STK10: variants seen among roughly 807,000 people sequenced by gnomAD.
The protein encoded by STK10 is serine/threonine kinase 10, also known as serine/threonine-protein kinase 10.
STK10 carries 78 observed loss-of-function variants against 113.8 expected under a neutral mutation model. That is an observed-to-expected ratio of 0.69 (90% CI 0.57 to 0.83). STK10 has a LOEUF of 0.83. STK10 is among the 40% of genes least tolerant of loss of function. The pLI, the probability that STK10 is intolerant of heterozygous loss-of-function variation, is 0.00. For synonymous variants in STK10, 465 were observed against 494.7 expected (o/e 0.94, Z 0.80); for missense variants, 1,109 against 1,280.1 (o/e 0.87, Z 2.04).
At chr5:172,146,358 G>C (rs971879980) in intron 2 of STK10, among the ~76,000 whole-genome samples, 3 of 152,200 alleles carry the variant, frequency 2.0e-5, no homozygotes, top group Admixed American at 1.3e-4. Flanking sequence ...TATCATGACG[G>C]GGACAGAGGC....
intron 1 of STK10, among the ~76,000 whole-genome samples, chr5:172,157,036 T>C (rs1770362755): frequency 1.3e-5 from 2 of 151,978 alleles, no homozygotes; most frequent in Non-Finnish European, 2.9e-5. Context: ...AATACCAACA[T>C]GGAAAGACTG....
In STK10 at chr5:172,105,701, C is replaced by T. The variant is rs745999041; in HGVS notation, c.825G>A (p.Leu275=). Residue 275 remains leucine, a synonymous_variant, in exon 7 of 19, where the codon CTG becomes CTA. Transcript: ENST00000176763. The part of the protein sequence containing the change: ...VEFRDFLKIA[L]DKNPETRPSA... ...TGGGTCGGGTTTCTGGGTTCTTATCCAGGGCTATCTTCAGGAAGTCACGGA... is the reference window on the plus strand; with the variant it reads ...TGGGTCGGGTTTCTGGGTTCTTATCTAGGGCTATCTTCAGGAAGTCACGGA... The T allele has an allele frequency of 6.2e-7, 1 of 1,613,738 alleles. No individual in the cohort carries two copies.
intron 15 of STK10, among the ~76,000 whole-genome samples, chr5:172,056,594 A>G (rs73314277): frequency 0.11 from 16,202 of 152,182 alleles, 1,324 homozygotes; most frequent in African/African-American, 0.22. Context: ...CCGGGCAGGC[A>G]CAGTGGCTCA....
In STK10 at chr5:172,083,396, A is replaced by T. The variant is rs145600977; in HGVS notation, c.1686-312T>A. ...TTAGAATCACCTATATAGATATAAA[A>T]TACAAATGAAAAAGAAACTATAATT... On this transcript the variant is annotated intron_variant, in intron 10 of 18. Coordinates refer to ENST00000176763, the MANE Select transcript of STK10 (RefSeq NM_005990.4). 7.1e-4 allele frequency among the ~76,000 whole-genome samples: 108 copies of T among 152,320 alleles called. 1 individual carries two copies. In the East Asian group the frequency reaches 0.018, roughly 25 times the overall value.
chr5:172,061,094 CA>C, intron 14 of STK10, 44 bp downstream of exon 14: 2 of 1,563,462 alleles, frequency 1.3e-6, no homozygotes, highest in Non-Finnish European at 1.7e-6. Context: ...GGGATGTCCA[CA>C]GCGACTCTGG....
In STK10 at chr5:172,057,441, G is replaced by C. The variant is rs961278177; in HGVS notation, c.2245C>G (p.His749Asp). Residue 749 changes from histidine to aspartate, a missense_variant, in exon 15 of 19, where the codon CAC becomes GAC. By Grantham distance (81) the His-to-Asp change is moderately conservative. Around this residue, in one of 5 missense-constraint regions of STK10, gnomAD observed 885 missense variants for 991.1 expected, o/e 0.89. Transcript: ENST00000176763. ...AGCTGGTGCCTCTCCTGCAGCTGGT[G>C]CTCTTCCATCTCCCACAGGGCTGCT... ...REAALWEMEE[H>D]QLQERHQLVK... 1 of 1,550,874 alleles carries C rather than the reference G, an allele frequency of 6.4e-7. No individual in the cohort carries two copies. Among genetic ancestry groups the C allele is most frequent in the Non-Finnish European group, 8.7e-7 (1 of 1,147,434 alleles).
intron 3 of STK10, among the ~76,000 whole-genome samples, chr5:172,119,590 C>T (rs1029474458): frequency 2.6e-5 from 4 of 152,042 alleles, no homozygotes; most frequent in African/African-American, 9.7e-5. Flanking sequence ...ATAGGCCAGG[C>T]GCGGTGGCTC....
chr5:172,091,333 C>T (rs373148675), intron 9 of STK10, among the ~76,000 whole-genome samples: 17 of 152,270 alleles, frequency 1.1e-4, no homozygotes, highest in East Asian at 7.7e-4. Flanking sequence ...CATGAGATTA[C>T]GCATAATCGT....
At chr5:172,101,049 C>A (rs919754245) in intron 7 of STK10, among the ~76,000 whole-genome samples, 3 of 152,168 alleles carry the variant, frequency 2.0e-5, no homozygotes, top group African/African-American at 7.2e-5. Context: ...ACCATCTGCT[C>A]AACAGAGAGC....
chr5:172,104,583 C>T (rs1291954544), intron 7 of STK10, among the ~76,000 whole-genome samples: 8 of 152,198 alleles, frequency 5.3e-5, no homozygotes, highest in Non-Finnish European at 1.2e-4. Context: ...TGCTGTGTCT[C>T]CCCTAATGCA....
At chr5:172,147,892 A>G (rs200573293) in intron 2 of STK10, among the ~76,000 whole-genome samples, 1 of 152,210 alleles carries the variant, frequency 6.6e-6, no homozygotes, top group East Asian at 1.9e-4. Context: ...ACATTGTAAT[A>G]AGGGCTATGG....
intron 12 of STK10, among the ~76,000 whole-genome samples, chr5:172,076,195 G>A (rs1332235630): frequency 7.8e-5 from 7 of 89,944 alleles, no homozygotes; most frequent in Admixed American, 1.2e-4. Flanking sequence ...TGTGGGGGCT[G>A]TCCTGTGCAT....
intron 17 of STK10, 67 bp from the exon 18 acceptor site, chr5:172,053,109 C>T: frequency 7.6e-7 from 1 of 1,308,994 alleles, no homozygotes; most frequent in Non-Finnish European, 1.1e-6. Context: ...CTGAGACACA[C>T]CTCACGCTGT....
At chr5:172,106,855 C>T in intron 5 of STK10, 41 bp from the exon 6 acceptor site, 1 of 1,571,224 alleles carries the variant, frequency 6.4e-7, no homozygotes, top group Non-Finnish European at 8.7e-7. Flanking sequence ...AGAATCTGGC[C>T]TTTACAGGTG....
intron 1 of STK10, among the ~76,000 whole-genome samples, chr5:172,182,844 G>A (rs987353746): frequency 6.6e-6 from 1 of 151,974 alleles, no homozygotes; most frequent in African/African-American, 2.4e-5. Flanking sequence ...GAGCCACCGC[G>A]CCCGGCCAAT....
chr5:172,090,434 G>T, intron 9 of STK10, 72 bp from the exon 10 acceptor site: 1 of 1,565,676 alleles, frequency 6.4e-7, no homozygotes, highest in South Asian at 1.2e-5. Flanking sequence ...AGCAGGTGAG[G>T]CCACAGCTCT....
chr5:172,096,961 AAT>A (rs1768869837), intron 7 of STK10, among the ~76,000 whole-genome samples: 1 of 152,248 alleles, frequency 6.6e-6, no homozygotes, highest in Non-Finnish European at 1.5e-5. Context: ...AAAAGGTTTT[AAT>A]ATATAGTTTT....
chr5:172,088,253 C>T (rs372227012), intron 10 of STK10, among the ~76,000 whole-genome samples: 19 of 151,926 alleles, frequency 1.3e-4, no homozygotes, highest in East Asian at 1.2e-3. Flanking sequence ...AGGCCGGGCG[C>T]GGTGGCTCAC....
rs1767419556 is a variant in STK10, at chr5:172,043,242, GCAC to G, written c.*1637_*1639del. 6.6e-6 allele frequency: 1 copy of G among 152,226 alleles called. No individual in the cohort carries two copies. The highest frequency in any genetic ancestry group is 1.5e-5 in the Non-Finnish European group (1 of 68,134). The allele number at this position is 152,226 out of a possible 1,614,324, so 9.4% of individuals were successfully genotyped here. A position where few individuals can be genotyped will look rare whatever the true frequency, so the allele number is the denominator to read the frequency against. On this transcript the variant is annotated 3_prime_UTR_variant, in exon 19 of 19. Coordinates refer to ENST00000176763, the MANE Select transcript of STK10 (RefSeq NM_005990.4). ...CCCGAGTAGCTGGGATTATAGGCAT[GCAC>G]CACCACGCCTGGCTAATTTTTGTAC...
Sources: gnomAD v4.1 joint callset for allele counts (sites outside exome capture counted in the v4.1 genomes callset) on GRCh38, gnomAD v4.1.1 for gene constraint, gnomAD v4.1.1 regional missense constraint, MANE v1.5 for transcripts, NCBI Gene and HGNC (gene_info 2026-07-23, HGNC 2026-07-21) for gene names.